Variants in LIMA1 observed in about 807,000 individuals in gnomAD.
LIMA1 encodes LIM domain and actin binding 1, also known as LIM domain and actin-binding protein 1.
Under a neutral mutation model 62.6 loss-of-function variants are expected in LIMA1, and 52 were observed. The ratio of observed to expected loss-of-function variants is 0.83; its 90% CI spans 0.67 to 1.05. The LOEUF is 1.05. LIMA1 is among the 50% of genes least tolerant of loss of function. The pLI, the probability that LIMA1 is intolerant of heterozygous loss-of-function variation, is 0.00. For missense variants in LIMA1, 780 were observed against 902.2 expected, an observed-to-expected ratio of 0.86 and a Z score of 1.74; for synonymous variants, 302 against 317.8, an observed-to-expected ratio of 0.95 and a Z score of 0.53.
At chr12:50,220,550 C>G (rs1000248608) in intron 4 of LIMA1, 20 of 152,236 alleles carry the variant, frequency 1.3e-4, no homozygotes, top group African/African-American at 4.8e-4. Context: ...ATGCAGCAGC[C>G]TTTTGCACTG....
chr12:50,276,363 C>T (rs1184695328), intron 1 of LIMA1, among the ~76,000 whole-genome samples: 1 of 152,122 alleles, frequency 6.6e-6, no homozygotes, highest in Non-Finnish European at 1.5e-5. Context: ...ATCCACATAG[C>T]CTAACAGGTA....
chr12:50,204,827 C>T, intron 5 of LIMA1, 127 bp from the exon 6 acceptor site: 2 of 828,924 alleles, frequency 2.4e-6, no homozygotes, highest in Admixed American at 2.5e-5. Flanking sequence ...TCAAGATATC[C>T]TCCCGCCTCA....
intron 1 of LIMA1, among the ~76,000 whole-genome samples, chr12:50,279,535 T>C (rs1287825316): frequency 1.3e-5 from 2 of 152,064 alleles, no homozygotes; most frequent in African/African-American, 2.4e-5. Context: ...ATAGTGAGAA[T>C]AGGAAGCTGA....
intron 1 of LIMA1, among the ~76,000 whole-genome samples, chr12:50,279,010 CTT>C (rs35710007): frequency 5.7e-4 from 79 of 137,570 alleles, no homozygotes; most frequent in Admixed American, 9.4e-4. Flanking sequence ...CTTTTCTTTT[CTT>C]TTTTTTTTTT....
chr12:50,201,015 T>C (rs1335848235), intron 6 of LIMA1, 131 bp from the exon 7 acceptor site: 1 of 1,445,306 alleles, frequency 6.9e-7, no homozygotes, highest in Non-Finnish European at 9.0e-7. Flanking sequence ...ATCAACCCCC[T>C]AACTCTCACA....
At chr12:50,272,616 G>T (rs1403372602) in intron 1 of LIMA1, among the ~76,000 whole-genome samples, 5 of 149,416 alleles carry the variant, frequency 3.3e-5, no homozygotes, top group Non-Finnish European at 5.9e-5. Flanking sequence ...AAAAATCTGA[G>T]CAGCTACCAC....
chr12:50,277,707 A>G (rs1049098655), intron 1 of LIMA1, among the ~76,000 whole-genome samples: 1 of 152,288 alleles, frequency 6.6e-6, no homozygotes, highest in South Asian at 2.1e-4. Flanking sequence ...TAACACCACA[A>G]TTCCAACTTC....
chr12:50,261,084 G>A (rs1262655717), intron 1 of LIMA1, among the ~76,000 whole-genome samples: 6 of 101,148 alleles, frequency 5.9e-5, no homozygotes, highest in African/African-American at 1.6e-4. Context: ...ATGGAGTCTC[G>A]CTCTGTCGCC....
intron 2 of LIMA1, among the ~76,000 whole-genome samples, chr12:50,242,323 G>A (rs960347570): frequency 6.6e-6 from 1 of 151,564 alleles, no homozygotes; most frequent in Non-Finnish European, 1.5e-5. Flanking sequence ...CTTATTGAAG[G>A]AAGAATAGTC....
intron 1 of LIMA1, among the ~76,000 whole-genome samples, chr12:50,278,897 C>T (rs1942305158): frequency 1.3e-5 from 2 of 152,180 alleles, no homozygotes; most frequent in East Asian, 3.9e-4. Context: ...AACAAAACCA[C>T]TGAAAGGAAA....
chr12:50,188,534 C>T (rs1322160452), intron 9 of LIMA1: 1 of 152,332 alleles, frequency 6.6e-6, no homozygotes, highest in Admixed American at 6.5e-5. Context: ...GGTCATTACA[C>T]AATGCTCAAA....
chr12:50,245,573 G>A (rs12816985), intron 2 of LIMA1, among the ~76,000 whole-genome samples: 2 of 151,578 alleles, frequency 1.3e-5, no homozygotes, highest in East Asian at 3.9e-4. Context: ...ATCTTGTTGG[G>A]TTTTCTCCCC....
chr12:50,271,324 C>T (rs1364478371), intron 1 of LIMA1, among the ~76,000 whole-genome samples: 1 of 152,182 alleles, frequency 6.6e-6, no homozygotes, highest in African/African-American at 2.4e-5. Flanking sequence ...TGAAGAACCA[C>T]CCAAGAACTT....
At chr12:50,262,255 G>C (rs1488236355) in intron 1 of LIMA1, among the ~76,000 whole-genome samples, 1 of 152,158 alleles carries the variant, frequency 6.6e-6, no homozygotes, top group Admixed American at 6.5e-5. Context: ...AAAGGAAGAT[G>C]AGAAATAAAG....
At chr12:50,236,458 C>T (rs1316767462) in intron 2 of LIMA1, among the ~76,000 whole-genome samples, 2 of 151,540 alleles carry the variant, frequency 1.3e-5, no homozygotes, top group Admixed American at 6.6e-5. Context: ...CCACCACACC[C>T]GGATAAGCTT....
chr12:50,217,706 TG>T lies in LIMA1; in HGVS notation c.630+4314del, dbSNP rs375331167. The T allele has an allele frequency of 2.1e-4, 59 of 274,916 alleles. No individual in the cohort carries two copies. In the East Asian group the frequency reaches 3.2e-3, roughly 15 times the overall value. 17.0% of individuals were successfully genotyped at this position (274,916 alleles called of 1,614,324 possible). On this transcript the variant is annotated intron_variant, in intron 4 of 10. Transcript: ENST00000341247. Reference sequence around the variant, plus strand: ...TGGGGCAGCACCCGCAGGTCTACAGTGGGGGGAAGGTGTTCGATCCTTGTGG... The same window carrying T: ...TGGGGCAGCACCCGCAGGTCTACAGTGGGGGAAGGTGTTCGATCCTTGTGG...
chr12:50,252,829 C>T (rs1941948073), intron 1 of LIMA1, among the ~76,000 whole-genome samples: 1 of 152,098 alleles, frequency 6.6e-6, no homozygotes, highest in Non-Finnish European at 1.5e-5. Flanking sequence ...TCTGGTGGAA[C>T]ACAGAAAGTT....
chr12:50,242,472 C>T (rs114823859), intron 2 of LIMA1, among the ~76,000 whole-genome samples: 2,130 of 152,008 alleles, frequency 0.014, 46 homozygotes, highest in African/African-American at 0.049. Context: ...CCTCTCTACC[C>T]GGCCTCCTCC....
intron 1 of LIMA1, among the ~76,000 whole-genome samples, chr12:50,254,170 G>A (rs916254292): frequency 6.6e-6 from 1 of 152,084 alleles, no homozygotes; most frequent in African/African-American, 2.4e-5. Context: ...CATGAACTGT[G>A]AAGGAAGAAC....
Sources: allele counts gnomAD v4.1 joint callset (sites outside exome capture counted in the v4.1 genomes callset), GRCh38; gene constraint gnomAD v4.1.1; transcripts MANE v1.5; gene names NCBI Gene and HGNC (gene_info 2026-07-23, HGNC 2026-07-21).